Variants in DARS1 observed in about 807,000 individuals in gnomAD.
DARS1 encodes aspartyl-tRNA synthetase 1, also known as aspartate--tRNA ligase, cytoplasmic.
A neutral mutation model predicts 68.8 loss-of-function variants in DARS1; 51 were observed. The ratio of observed to expected loss-of-function variants is 0.74; its 90% CI spans 0.59 to 0.94. DARS1 has a LOEUF of 0.94. DARS1 is among the 40% of genes least tolerant of loss of function. The pLI, the probability that DARS1 is intolerant of heterozygous loss-of-function variation, is 0.00. For synonymous variants in DARS1, 203 were observed against 190.4 expected, an observed-to-expected ratio of 1.07 and a Z score of -0.55; for missense variants, 607 against 597.3, an observed-to-expected ratio of 1.02 and a Z score of -0.17.
chr2:135,930,607 A>G (rs1681320712), intron 7 of DARS1, among the ~76,000 whole-genome samples: 1 of 152,246 alleles, frequency 6.6e-6, no homozygotes. Context: ...AACCTGTAAT[A>G]CGAACATAAT....
chr2:135,978,485 T>C (rs1236999727), intron 3 of DARS1, among the ~76,000 whole-genome samples: 1 of 152,250 alleles, frequency 6.6e-6, no homozygotes, highest in African/African-American at 2.4e-5. Flanking sequence ...TTGTTCTGCC[T>C]ACTTCACAAA....
At chr2:135,922,415 AATAT>A (rs1681124496) in intron 9 of DARS1, among the ~76,000 whole-genome samples, 1 of 152,182 alleles carries the variant, frequency 6.6e-6, no homozygotes, top group Non-Finnish European at 1.5e-5. Flanking sequence ...GGTATATTAA[AATAT>A]ATACTTAGGT....
intron 7 of DARS1, among the ~76,000 whole-genome samples, chr2:135,927,327 ATATGT>A (rs1439729198): frequency 9.9e-5 from 15 of 152,280 alleles, no homozygotes; most frequent in African/African-American, 3.6e-4. Context: ...TGAATGCAAC[ATATGT>A]TAATTTCAAT....
At chr2:135,944,574 T>G (rs781638177) in intron 4 of DARS1, among the ~76,000 whole-genome samples, 2 of 151,580 alleles carry the variant, frequency 1.3e-5, no homozygotes, top group Non-Finnish European at 2.9e-5. Context: ...ACCAACTAAC[T>G]TAAAAAAAAA....
intron 2 of DARS1, among the ~76,000 whole-genome samples, chr2:135,981,674 C>CTTTTTTTTTTTTTTTTTTTTTT (rs1312008531): frequency 7.1e-6 from 1 of 140,564 alleles, no homozygotes; most frequent in African/African-American, 2.6e-5. Flanking sequence ...GAAATTTTGG[C>CTTTTTTTTTTTTTTTTTTTTTT]TTTTTTTTTT....
chr2:135,980,278 CA>C, intron 2 of DARS1, among the ~76,000 whole-genome samples: 1 of 152,314 alleles, frequency 6.6e-6, no homozygotes, highest in African/African-American at 2.4e-5. Context: ...CAACATTCAA[CA>C]ATCATTTTTG....
chr2:135,917,780 A>T (rs1681037582), intron 10 of DARS1, among the ~76,000 whole-genome samples: 1 of 152,072 alleles, frequency 6.6e-6, no homozygotes, highest in East Asian at 1.9e-4. Flanking sequence ...CCGGCCTAGA[A>T]TTTATATTCT....
At chr2:135,910,014 A>G (rs1205374426) in intron 15 of DARS1, among the ~76,000 whole-genome samples, 5 of 152,168 alleles carry the variant, frequency 3.3e-5, no homozygotes, top group African/African-American at 1.2e-4. Flanking sequence ...TCTGGTCCCA[A>G]GCATTTTGGA....
chr2:135,941,042 A>T (rs1411675113), intron 5 of DARS1, among the ~76,000 whole-genome samples: 3 of 152,212 alleles, frequency 2.0e-5, no homozygotes, highest in Admixed American at 6.5e-5. Flanking sequence ...CATTGCATGC[A>T]CATGGATAGG....
intron 3 of DARS1, among the ~76,000 whole-genome samples, chr2:135,964,204 T>C (rs1682164756): frequency 6.6e-6 from 1 of 152,174 alleles, no homozygotes. Flanking sequence ...AGAAGTATAT[T>C]AAGATTGATC....
chr2:135,912,356 A>G (rs1185073131), intron 13 of DARS1, 130 bp downstream of exon 13: 1 of 464,876 alleles, frequency 2.2e-6, no homozygotes, highest in Non-Finnish European at 4.0e-6. Flanking sequence ...ACAGACATCA[A>G]TGGTAATACG....
At chr2:135,912,793 T>C (rs959986108) in intron 12 of DARS1, among the ~76,000 whole-genome samples, 1 of 149,018 alleles carries the variant, frequency 6.7e-6, no homozygotes, top group Non-Finnish European at 1.5e-5. Flanking sequence ...TTATTATCCA[T>C]AGTTTTTAAA....
rs927989066 is a variant in DARS1, at chr2:135,905,956, T to C, written c.*1360A>G. On this transcript the variant is annotated 3_prime_UTR_variant, in exon 16 of 16. Coordinates refer to ENST00000264161, the MANE Select transcript of DARS1 (RefSeq NM_001349.4). ...AGAACAGCTCTAGGGCCAATATTAT[T>C]GTACTATTTTAGGGTCTAGCAATTA... is the stretch of plus-strand genomic sequence containing the variant. Among the ~76,000 whole-genome samples, 1 of 152,190 alleles carries C rather than the reference T, an allele frequency of 6.6e-6. No individual in the cohort carries two copies. Among genetic ancestry groups the C allele is most frequent in the Non-Finnish European group, 1.5e-5 (1 of 68,036 alleles).
chr2:135,911,566 T>C (rs530749469), intron 13 of DARS1, 73 bp from the exon 14 acceptor site: 2 of 704,718 alleles, frequency 2.8e-6, no homozygotes, highest in East Asian at 5.2e-5. Flanking sequence ...GAAAAAAATC[T>C]CTGCTGCATG....
At chr2:135,943,623 A>T in intron 4 of DARS1, 143 bp from the exon 5 acceptor site, 1 of 1,295,338 alleles carries the variant, frequency 7.7e-7, no homozygotes, top group Non-Finnish European at 1.0e-6. Flanking sequence ...TATTTAACCT[A>T]CTTAGAATAA....
At chr2:135,980,227 C>G (rs1475302444) in intron 2 of DARS1, among the ~76,000 whole-genome samples, 4 of 152,162 alleles carry the variant, frequency 2.6e-5, no homozygotes, top group African/African-American at 9.7e-5. Flanking sequence ...AACAGGAAAA[C>G]AGCTACAAAA....
At chr2:135,969,918 A>T (rs1461041887) in intron 3 of DARS1, among the ~76,000 whole-genome samples, 4 of 152,196 alleles carry the variant, frequency 2.6e-5, no homozygotes, top group African/African-American at 4.8e-5. Context: ...ACCTTAATAT[A>T]TATTGGTGAG....
At chr2:135,974,962 T>C (rs1221920786) in intron 3 of DARS1, among the ~76,000 whole-genome samples, 1 of 151,704 alleles carries the variant, frequency 6.6e-6, no homozygotes, top group Admixed American at 6.6e-5. Context: ...AAAGCAACAA[T>C]GGATAAATCT....
intron 7 of DARS1, among the ~76,000 whole-genome samples, chr2:135,931,526 C>T (rs948862898): frequency 1.3e-5 from 2 of 152,214 alleles, no homozygotes; most frequent in African/African-American, 4.8e-5. Flanking sequence ...GTGTGAGACA[C>T]TGCACCAAAC....
Sources: allele counts gnomAD v4.1 joint callset (sites outside exome capture counted in the v4.1 genomes callset), GRCh38; gene constraint gnomAD v4.1.1; transcripts MANE v1.5; gene names NCBI Gene and HGNC (gene_info 2026-07-23, HGNC 2026-07-21).